Variants in SLC16A11 observed in about 807,000 individuals in gnomAD.
SLC16A11 encodes monocarboxylate transporter 11.
In SLC16A11, 24 loss-of-function variants were observed where a neutral mutation model predicts 26.0. The observed-to-expected ratio is 0.92, with a 90% CI of 0.67 to 1.30. The LOEUF is 1.30. Among genes scored for constraint, SLC16A11 ranks in the 50% most tolerant of loss-of-function variants. The pLI is 0.00. For missense variants in SLC16A11, 638 were observed against 597.7 expected, an observed-to-expected ratio of 1.07 and a Z score of -0.70; for synonymous variants, 332 against 296.0, an observed-to-expected ratio of 1.12 and a Z score of -1.25.
chr17:7,042,367 C>G lies in SLC16A11; in HGVS notation c.743G>C (p.Arg248Pro), dbSNP rs1910789033. The G allele has an allele frequency of 1.3e-6, 2 of 1,564,720 alleles. No homozygotes were observed. Among genetic ancestry groups the G allele is most frequent in the Non-Finnish European group, 1.7e-6 (2 of 1,153,882 alleles). ...YVHLAPHALD[R>P]GLGGYGAALV... Reference sequence around the variant, plus strand: ...CGCTGCTCCGTATCCCCCCAGGCCCCGGTCTAAAGCGTGGGGAGCCAAGTG... The same window carrying G: ...CGCTGCTCCGTATCCCCCCAGGCCCGGGTCTAAAGCGTGGGGAGCCAAGTG... The change falls in exon 4 of 5, where the codon CGG (arginine) becomes CCG (proline). Residue 248 changes from arginine to proline, a missense_variant. Arg to Pro is a moderately radical substitution (Grantham distance 103). Transcript: ENST00000574600. The surrounding 1 kb of genome is among the most constrained non-coding windows in gnomAD (Gnocchi z 5.9).
Position 7,042,438 on chromosome 17 carries a change from A to G in SLC16A11, c.672T>C (p.Ala224=). 2 of 1,557,524 alleles carry G rather than the reference A, an allele frequency of 1.3e-6. No individual in the cohort carries two copies. Among genetic ancestry groups the G allele is most frequent in the Admixed American group, 1.9e-5 (1 of 51,692 alleles). ...LFTRRAFSIF[A]LGTALVGGGY... is the part of the protein sequence containing the mutation. Reference sequence around the variant, plus strand: ...CGCCCCCAACCAGGGCTGTGCCTAGAGCAAAGATTGAGAAGGCCCGGCGTG... The same window carrying G: ...CGCCCCCAACCAGGGCTGTGCCTAGGGCAAAGATTGAGAAGGCCCGGCGTG... Residue 224 remains alanine, a synonymous_variant, in exon 4 of 5, where the codon GCT becomes GCC. Transcript: ENST00000574600. This position sits in a 1 kb window ranked among gnomAD's most constrained non-coding sequence, Gnocchi z 5.9.
rs550392864 is a variant in SLC16A11 at position 7,042,826 on chromosome 17, C to T, written c.347-63G>A. 3.8e-4 allele frequency: 598 copies of T among 1,566,994 alleles called. 1 individual carries two copies. The highest frequency in any genetic ancestry group is 4.9e-4 in the Non-Finnish European group (566 of 1,157,050). ...GGACGCCCGCCCCAGCATTCCCAGC[C>T]CGGCTCTCCGCACCAGGCCCCCGCC... On this transcript the variant is annotated intron_variant, in intron 3 of 4. Transcript: ENST00000574600. This position sits in a 1 kb window ranked among gnomAD's most constrained non-coding sequence, Gnocchi z 5.9.
chr17:7,043,715 G>A, intron 1 of SLC16A11, 60 bp downstream of exon 1: 5 of 1,131,146 alleles, frequency 4.4e-6, no homozygotes, highest in Non-Finnish European at 6.0e-6. Flanking sequence ...TACGGGGACG[G>A]GGACAGCCAG....
In SLC16A11 at chr17:7,042,193, G is replaced by A; in HGVS notation, c.917C>T (p.Pro306Leu). 6.4e-7 allele frequency: 1 copy of A among 1,569,734 alleles called. No homozygotes were observed. Among genetic ancestry groups the A allele is most frequent in the East Asian group, 2.4e-5 (1 of 41,768 alleles). Reference sequence around the variant, plus strand: ...CCAGCTCTCTTCGCCGCCCACCACGGGCACCAGCCCCACCACCCACAGCCC... The same window carrying A: ...CCAGCTCTCTTCGCCGCCCACCACGAGCACCAGCCCCACCACCCACAGCCC... ...GLGLWVVGLV[P>L]VVGGEESWGG... The change falls in exon 4 of 5, where the codon CCC becomes CTC. Residue 306 changes from proline (P) to leucine (L), a missense_variant. By Grantham distance (98) the Pro-to-Leu change is moderately conservative. Coordinates refer to ENST00000574600, the MANE Select transcript of SLC16A11 (RefSeq NM_001370549.1). This position sits in a 1 kb window ranked among gnomAD's most constrained non-coding sequence, Gnocchi z 5.9.
intron 2 of SLC16A11, 65 bp from the exon 3 acceptor site, chr17:7,043,138 C>A: frequency 6.8e-7 from 1 of 1,465,946 alleles, no homozygotes; most frequent in Non-Finnish European, 9.0e-7. Flanking sequence ...CAACACTTCT[C>A]ATTGGCTGTT....
Position 7,042,108 on chromosome 17 carries a change from C to A in SLC16A11, c.1002G>T (p.Pro334=), listed in dbSNP as rs774915327. ...AYGLSAGSYA[P]LVFGVLPGLV... is the part of the protein sequence containing the mutation. ...GCCCGGGGAGTACACCGAAAACCAG[C>A]GGGGCGTAACTCCCCGCGCTCAGCC... Residue 334 remains proline (P), a synonymous_variant, in exon 4 of 5, where the codon CCG becomes CCT. Transcript: ENST00000574600. The surrounding 1 kb of genome is among the most constrained non-coding windows in gnomAD (Gnocchi z 5.9). The A allele has an allele frequency of 1.2e-6, 2 of 1,603,960 alleles. No homozygotes were observed. Among genetic ancestry groups the A allele is most frequent in the Non-Finnish European group, 1.7e-6 (2 of 1,174,820 alleles).
intron 1 of SLC16A11, 111 bp from the exon 2 acceptor site, chr17:7,043,630 A>C: frequency 6.7e-7 from 1 of 1,491,254 alleles, no homozygotes; most frequent in Non-Finnish European, 8.9e-7. Flanking sequence ...TGGGCCCGTC[A>C]CTCCGAGCGC....
At position 7,041,865 on chromosome 17, in the gene SLC16A11, G is replaced by A; in HGVS notation, c.1158C>T (p.Leu386=). The A allele has an allele frequency of 6.2e-7, 1 of 1,614,028 alleles. No individual in the cohort carries two copies. The highest frequency in any genetic ancestry group is 8.5e-7 in the Non-Finnish European group (1 of 1,179,968). The change falls in exon 5 of 5, where the codon CTC becomes CTT. Residue 386 remains leucine (L), a synonymous_variant. Transcript: ENST00000574600. ...DETGDFTASF[L]LSGSLILSGS... ...CGGAGAGGATCAAAGAACCAGACAG[G>A]AGGAAAGAGGCGGTGAAGTCTCCTG... is the stretch of plus-strand genomic sequence containing the variant.
In SLC16A11 at chr17:7,041,654, G is replaced by A. The variant is rs1237657943; in HGVS notation, c.*25C>T. On this transcript the variant is annotated 3_prime_UTR_variant, in exon 5 of 5. Coordinates refer to ENST00000574600, the MANE Select transcript of SLC16A11 (RefSeq NM_001370549.1). ...AAACCCGATAAAAATTCTTTATTGG[G>A]GGAGGGGCTCAAACAAGAAAATAAT... is the stretch of plus-strand genomic sequence containing the variant. 6.4e-7 allele frequency: 1 copy of A among 1,551,626 alleles called. No individual in the cohort carries two copies. The highest frequency in any genetic ancestry group is 1.8e-4 in the Middle Eastern group (1 of 5,434).
In SLC16A11 at chr17:7,043,994, C is replaced by A; in HGVS notation, c.-226G>T. 5.7e-6 allele frequency: 1 copy of A among 176,496 alleles called. No individual in the cohort carries two copies. 10.9% of individuals were successfully genotyped at this position (176,496 alleles called of 1,614,324 possible). ...CGGGGGCGAGCTGAAACAGCCAATC[C>A]GGCAAGCCGCGCGTGAGGCCAGACG... is the stretch of plus-strand genomic sequence containing the variant. On this transcript the variant is annotated 5_prime_UTR_variant, in exon 1 of 5. Transcript: ENST00000574600.
Position 7,043,460 on chromosome 17 carries a change from C to T in SLC16A11, c.54G>A (p.Ala18=). The change falls in exon 2 of 5, where the codon GCG becomes GCA. Residue 18 remains alanine (A), a synonymous_variant. Coordinates refer to ENST00000574600, the MANE Select transcript of SLC16A11 (RefSeq NM_001370549.1). The part of the protein sequence containing the change: ...PPDGGWGWVV[A]AAAFAINGLS... ...GCCCGTTTATCGCGAAGGCTGCGGC[C>T]GCCACCACCCAGCCCCAGCCCCCAT... 1 of 1,597,170 alleles carries T rather than the reference C, an allele frequency of 6.3e-7. No individual in the cohort carries two copies. The highest frequency in any genetic ancestry group is 8.5e-7 in the Non-Finnish European group (1 of 1,177,014).
chr17:7,043,158 C>G, intron 2 of SLC16A11, 85 bp from the exon 3 acceptor site: 1 of 1,459,380 alleles, frequency 6.9e-7, no homozygotes. Context: ...TTGCCTCCCT[C>G]GAACTAATGG....
chr17:7,043,445 C>T lies in SLC16A11; in HGVS notation c.69G>A (p.Ala23=). ...WGWVVAAAAF[A]INGLSYGLLR... is the part of the protein sequence containing the mutation. Reference sequence around the variant, plus strand: ...GCAGCCCGTAGGACAGCCCGTTTATCGCGAAGGCTGCGGCCGCCACCACCC... The same window carrying T: ...GCAGCCCGTAGGACAGCCCGTTTATTGCGAAGGCTGCGGCCGCCACCACCC... The change falls in exon 2 of 5, where the codon GCG becomes GCA. Residue 23 remains alanine (A), a synonymous_variant. Coordinates refer to ENST00000574600, the MANE Select transcript of SLC16A11 (RefSeq NM_001370549.1). 6.3e-7 allele frequency: 1 copy of T among 1,598,766 alleles called. No individual in the cohort carries two copies. The highest frequency in any genetic ancestry group is 1.1e-5 in the South Asian group (1 of 90,360).
At position 7,043,996 on chromosome 17, in the gene SLC16A11, G is replaced by A; in HGVS notation, c.-228C>T. ...GGGGCGAGCTGAAACAGCCAATCCG[G>A]CAAGCCGCGCGTGAGGCCAGACGCC... On this transcript the variant is annotated 5_prime_UTR_variant, in exon 1 of 5. Transcript: ENST00000574600. The A allele has an allele frequency of 1.1e-5, 2 of 177,176 alleles. No individual in the cohort carries two copies. The highest frequency in any genetic ancestry group is 1.5e-4 in the East Asian group (1 of 6,480). 11.0% of individuals were successfully genotyped at this position (177,176 alleles called of 1,614,324 possible).
At position 7,042,584 on chromosome 17, in the gene SLC16A11, G is replaced by A; in HGVS notation, c.526C>T (p.Leu176Phe). The change falls in exon 4 of 5, where the codon CTC becomes TTC. Residue 176 changes from leucine to phenylalanine, a missense_variant. Transcript: ENST00000574600. This position sits in a 1 kb window ranked among gnomAD's most constrained non-coding sequence, Gnocchi z 5.9. ...GTGAGGTGGAGGGTGATCGCGCCGA[G>A]GAGGAGCAGAGCGCCCCGCCAGCCG... ...TFGWRGALLL[L>F]GAITLHLTPC... 1 of 1,584,532 alleles carries A rather than the reference G, an allele frequency of 6.3e-7. No individual in the cohort carries two copies. The highest frequency in any genetic ancestry group is 8.6e-7 in the Non-Finnish European group (1 of 1,168,374).
Position 7,042,605 on chromosome 17 carries a change from A to G in SLC16A11, c.505T>C (p.Trp169Arg). Residue 169 changes from tryptophan to arginine, a missense_variant, in exon 4 of 5, where the codon TGG becomes CGG. Trp to Arg is a moderately radical substitution (Grantham distance 101, BLOSUM62 -3). Transcript: ENST00000574600. This position sits in a 1 kb window ranked among gnomAD's most constrained non-coding sequence, Gnocchi z 5.9. ...CCGAGGAGGAGCAGAGCGCCCCGCCAGCCGAAAGTATCGAGAAGAAGCTGC... is the reference window on the plus strand; with the variant it reads ...CCGAGGAGGAGCAGAGCGCCCCGCCGGCCGAAAGTATCGAGAAGAAGCTGC... Reference protein sequence around the residue: ...ALQLLLDTFGWRGALLLLGAI... With the variant: ...ALQLLLDTFGRRGALLLLGAI... 6.3e-7 allele frequency: 1 copy of G among 1,585,498 alleles called. No homozygotes were observed.
At position 7,041,777 on chromosome 17, in the gene SLC16A11, C is replaced by A; in HGVS notation, c.1246G>T (p.Ala416Ser). The A allele has an allele frequency of 6.2e-7, 1 of 1,613,576 alleles. No individual in the cohort carries two copies. Among genetic ancestry groups the A allele is most frequent in the Non-Finnish European group, 8.5e-7 (1 of 1,179,924 alleles). The change falls in exon 5 of 5, where the codon GCC becomes TCC. Residue 416 changes from alanine (A) to serine (S), a missense_variant. Coordinates refer to ENST00000574600, the MANE Select transcript of SLC16A11 (RefSeq NM_001370549.1). ...LPSCGPASPPATPPPETGELL... is the reference protein window; with the variant it reads ...LPSCGPASPPSTPPPETGELL... Reference sequence around the variant, plus strand: ...TCCCCCGTCTCTGGGGGAGGCGTGGCTGGAGGGGAGGCTGGACCACAGGAG... The same window carrying A: ...TCCCCCGTCTCTGGGGGAGGCGTGGATGGAGGGGAGGCTGGACCACAGGAG...
Position 7,042,207 on chromosome 17 carries a change from C to A in SLC16A11, c.903G>T (p.Val301=). ...FGALTGLGLW[V]VGLVPVVGGE... is the part of the protein sequence containing the mutation. ...CGCCCACCACGGGCACCAGCCCCAC[C>A]ACCCACAGCCCCAGCCCAGTCAGAG... is the stretch of plus-strand genomic sequence containing the variant. Residue 301 remains valine (V), a synonymous_variant, in exon 4 of 5, where the codon GTG becomes GTT. Coordinates refer to ENST00000574600, the MANE Select transcript of SLC16A11 (RefSeq NM_001370549.1). This position sits in a 1 kb window ranked among gnomAD's most constrained non-coding sequence, Gnocchi z 5.9. 1 of 1,572,300 alleles carries A rather than the reference C, an allele frequency of 6.4e-7. No homozygotes were observed.
In SLC16A11 at chr17:7,042,970, G is replaced by T. The variant is rs1198580403; in HGVS notation, c.306C>A (p.Ser102Arg). 9.9e-6 allele frequency: 16 copies of T among 1,612,440 alleles called. No homozygotes were observed. The highest frequency in any genetic ancestry group is 2.2e-5 in the South Asian group (2 of 90,850). ...SLGFVFSAFA[S>R]DLLHLYLGLG... ...GGCCGAGGTAGAGATGCAGCAGATC[G>T]CTGGCGAAAGCCGAGAAGACGAAGC... is the stretch of plus-strand genomic sequence containing the variant. The change falls in exon 3 of 5, where the codon AGC (serine) becomes AGA (arginine). Residue 102 changes from serine to arginine, a missense_variant. Ser to Arg is a moderately radical substitution (Grantham distance 110). Transcript: ENST00000574600. The surrounding 1 kb of genome is among the most constrained non-coding windows in gnomAD (Gnocchi z 5.9).
Sources: gnomAD v4.1 joint callset for allele counts on GRCh38, gnomAD v4.1.1 for gene constraint, Gnocchi (gnomAD v3.1) non-coding constraint, MANE v1.5 for transcripts, NCBI Gene and HGNC (gene_info 2026-07-23, HGNC 2026-07-21) for gene names.